ALDOA: variants seen among roughly 807,000 people sequenced by gnomAD.
ALDOA encodes the protein fructose-bisphosphate aldolase A.
ALDOA carries 26 observed loss-of-function variants against 43.9 expected under a neutral mutation model. The ratio of observed to expected loss-of-function variants is 0.59; its 90% CI spans 0.43 to 0.82. The LOEUF is 0.82. Among genes scored for constraint, ALDOA ranks in the 40% least tolerant of loss-of-function variants. ALDOA has a pLI of 0.00. For synonymous variants in ALDOA, 258 were observed against 222.6 expected, an observed-to-expected ratio of 1.16 and a Z score of -1.42; for missense variants, 498 against 549.5, an observed-to-expected ratio of 0.91 and a Z score of 0.94.
intron 4 of ALDOA, chr16:30,068,229 AT>A (rs1370385117): frequency 1.8e-4 from 58 of 316,454 alleles, no homozygotes; most frequent in Middle Eastern, 1.2e-3. Flanking sequence ...CACCCGGCTA[AT>A]TTTTTTTGTA....
In ALDOA at chr16:30,069,542, A is replaced by C; in HGVS notation, c.830A>C (p.Tyr277Ser). ...VYKALSDHHIYLEGTLLKPNM... is the reference protein window; with the variant it reads ...VYKALSDHHISLEGTLLKPNM... ...AAGGCTCTGAGTGACCACCACATCT[A>C]CCTGGAAGGCACCTTGCTGAAGCCC... is the stretch of plus-strand genomic sequence containing the variant. Residue 277 changes from tyrosine to serine, a missense_variant, in exon 8 of 10, where the codon TAC becomes TCC. Tyr to Ser is a moderately radical substitution (Grantham distance 144). Coordinates refer to ENST00000642816, the MANE Select transcript of ALDOA (RefSeq NM_001243177.4). 1 of 1,614,006 alleles carries C rather than the reference A, an allele frequency of 6.2e-7. No individual in the cohort carries two copies. The highest frequency in any genetic ancestry group is 8.5e-7 in the Non-Finnish European group (1 of 1,179,994).
intron 1 of ALDOA, 171 bp downstream of exon 1, chr16:30,066,098 C>T (rs2072091025): frequency 6.6e-6 from 1 of 152,658 alleles, no homozygotes; most frequent in African/African-American, 2.4e-5. Flanking sequence ...TCTAACTGCG[C>T]AATGCAGCGG....
intron 6 of ALDOA, 93 bp downstream of exon 6, chr16:30,069,071 C>A: frequency 6.4e-7 from 1 of 1,572,662 alleles, no homozygotes; most frequent in Non-Finnish European, 8.7e-7. Flanking sequence ...CCTACCTCCC[C>A]AAAAGCAAGC....
chr16:30,064,793 C>CT (rs1397604092), upstream of ALDOA: 1 of 203,474 alleles, frequency 4.9e-6, no homozygotes, highest in Non-Finnish European at 9.7e-6. Flanking sequence ...AGGTGGGCCC[C>CT]TTGCAGGACC....
upstream of ALDOA, among the ~76,000 whole-genome samples, chr16:30,065,005 G>A (rs2072049483): frequency 6.6e-6 from 1 of 152,276 alleles, no homozygotes; most frequent in Non-Finnish European, 1.5e-5. Flanking sequence ...GCCAGAGGCC[G>A]AGCAGCGGCC....
chr16:30,067,695 A>G (rs3112554), intron 4 of ALDOA, 34 bp downstream of exon 4: 2 of 1,612,460 alleles, frequency 1.2e-6, no homozygotes, highest in African/African-American at 1.3e-5. Context: ...GAGGTTTGAG[A>G]TGGAAGTGGA....
chr16:30,068,534 T>C, intron 4 of ALDOA, 112 bp from the exon 5 acceptor site: 1 of 1,231,868 alleles, frequency 8.1e-7, no homozygotes, highest in Admixed American at 1.8e-5. Context: ...GTCCAGGAAG[T>C]GGAGGCTTCA....
chr16:30,070,417 C>G (rs560360519), downstream of ALDOA: 1 of 594,032 alleles, frequency 1.7e-6, no homozygotes, highest in Non-Finnish European at 3.0e-6. Flanking sequence ...AAGGGGGAGT[C>G]GGCCGTCCGT....
rs959386198 is a variant in ALDOA at position 30,067,214 on chromosome 16, C to T, written c.142-20C>T. Reference sequence around the variant, plus strand: ...GAAACCCTAGCTAACTAGTCCTTCCCCTCTGTTTCCTGTATCCAGGAACTT... The same window carrying T: ...GAAACCCTAGCTAACTAGTCCTTCCTCTCTGTTTCCTGTATCCAGGAACTT... On this transcript the variant is annotated intron_variant, in intron 2 of 9. Coordinates refer to ENST00000642816, the MANE Select transcript of ALDOA (RefSeq NM_001243177.4). 4.3e-6 allele frequency: 7 copies of T among 1,612,152 alleles called. No individual in the cohort carries two copies. In the South Asian group the frequency reaches 5.5e-5, roughly 13 times the overall value.
chr16:30,068,493 C>T, intron 4 of ALDOA, 153 bp from the exon 5 acceptor site: 1 of 833,998 alleles, frequency 1.2e-6, no homozygotes, highest in East Asian at 2.6e-5. Flanking sequence ...CGCCCAGCTA[C>T]CTAGGAGGCT....
At chr16:30,064,704 A>C, upstream of ALDOA, 1 of 369,792 alleles carries the variant, frequency 2.7e-6, no homozygotes, top group Non-Finnish European at 4.8e-6. Context: ...GGCGGGCAGG[A>C]GCTGCCTTAT....
intron 1 of ALDOA, 22 bp downstream of exon 1, chr16:30,065,949 CG>C (rs2072085304): frequency 6.5e-6 from 1 of 152,998 alleles, no homozygotes; most frequent in Non-Finnish European, 1.5e-5. Context: ...TCTTCACGTG[CG>C]GGGACCAGGG....
At chr16:30,066,711 C>T (rs1379124994) in intron 1 of ALDOA, among the ~76,000 whole-genome samples, 174 bp from the exon 2 acceptor site, 1 of 152,212 alleles carries the variant, frequency 6.6e-6, no homozygotes, top group Non-Finnish European at 1.5e-5. Flanking sequence ...AAGGAACACC[C>T]CAGTGGCAGT....
rs776454021 is a variant in ALDOA at position 30,069,809 on chromosome 16, C to T, written c.962-21C>T. On this transcript the variant is annotated intron_variant, in intron 8 of 9. Transcript: ENST00000642816. ...CTGGGTCTCTGACCACAGCCCCTCT[C>T]GCCTCACCCCTGCTCTACAGGGATC... 50 of 1,613,880 alleles carry T rather than the reference C, an allele frequency of 3.1e-5. No homozygotes were observed. The Middle Eastern group carries it at 1.2e-3, about 37-fold the overall frequency.
At chr16:30,067,895 A>G (rs895361945) in intron 4 of ALDOA, 12 of 585,438 alleles carry the variant, frequency 2.0e-5, no homozygotes, top group African/African-American at 1.9e-4. Context: ...TGTTTTGCTC[A>G]GAGTAAGTGG....
chr16:30,066,860 T>C (rs999986675), intron 1 of ALDOA, 25 bp from the exon 2 acceptor site: 4 of 1,544,248 alleles, frequency 2.6e-6, no homozygotes, highest in Non-Finnish European at 1.7e-6. Context: ...CATTCTAAAA[T>C]ACTCCGGTTC....
upstream of ALDOA, chr16:30,064,749 G>A (rs998114789): frequency 7.1e-6 from 2 of 281,076 alleles, no homozygotes; most frequent in Admixed American, 5.3e-5. Context: ...ACTCGCTGCT[G>A]ACCAGGCTCT....
Position 30,067,009 on chromosome 16 carries a change from A to C in ALDOA, c.112A>C (p.Asn38His), listed in dbSNP as rs2072133011. Reference sequence around the variant, plus strand: ...TGGGCAACTCCACCCTCAGCTGGGCAACACCCAGCACCAGACAGAGTTAGG... The same window carrying C: ...TGGGCAACTCCACCCTCAGCTGGGCCACACCCAGCACCAGACAGAGTTAGG... ...ASGQLHPQLGNTQHQTELGKE... is the reference protein window; with the variant it reads ...ASGQLHPQLGHTQHQTELGKE... The change falls in exon 2 of 10, where the codon AAC (asparagine) becomes CAC (histidine). Residue 38 changes from asparagine (N) to histidine (H), a missense_variant. Coordinates refer to ENST00000642816, the MANE Select transcript of ALDOA (RefSeq NM_001243177.4). 3.8e-6 allele frequency: 6 copies of C among 1,570,408 alleles called. No individual in the cohort carries two copies. The highest frequency in any genetic ancestry group is 5.2e-6 in the Non-Finnish European group (6 of 1,158,706).
chr16:30,069,188 C>T (rs1332533502), intron 6 of ALDOA, 118 bp from the exon 7 acceptor site: 2 of 1,370,348 alleles, frequency 1.5e-6, no homozygotes, highest in African/African-American at 1.4e-5. Context: ...AATCTGAGGG[C>T]TTTGAAGCCT....
Sources: gnomAD v4.1 joint callset for allele counts (sites outside exome capture counted in the v4.1 genomes callset) on GRCh38, gnomAD v4.1.1 for gene constraint, MANE v1.5 for transcripts, NCBI Gene and HGNC (gene_info 2026-07-23, HGNC 2026-07-21) for gene names.